The following TCTN3 variants were observed in gnomAD, a reference collection of about 807,000 sequenced individuals.
TCTN3 encodes the protein tectonic family member 3.
A neutral mutation model predicts 71.3 loss-of-function variants in TCTN3; 57 were observed. The ratio of observed to expected loss-of-function variants is 0.80; its 90% CI spans 0.65 to 1.00. The LOEUF is 1.00. Among genes scored for constraint, TCTN3 ranks in the 50% least tolerant of loss-of-function variants. The pLI, the probability that TCTN3 is intolerant of heterozygous loss-of-function variation, is 0.00. For synonymous variants in TCTN3, 258 were observed against 267.8 expected (o/e 0.96, Z 0.36); for missense variants, 696 against 719.9 (o/e 0.97, Z 0.38).
chr10:95,685,271 A>T (rs1186527884), intron 8 of TCTN3, among the ~76,000 whole-genome samples: 1 of 152,162 alleles, frequency 6.6e-6, no homozygotes, highest in African/African-American at 2.4e-5. Flanking sequence ...ATACTGGAGG[A>T]TGGTGGTGAT....
chr10:95,681,121 G>C (rs532472833), intron 12 of TCTN3, among the ~76,000 whole-genome samples: 1 of 151,162 alleles, frequency 6.6e-6, no homozygotes, highest in Non-Finnish European at 1.5e-5. Context: ...TGTTGCCCAG[G>C]CTGGAGTACA....
Position 95,692,829 on chromosome 10 carries a change from A to G in TCTN3, c.499+91T>C. The G allele has an allele frequency of 4.2e-6, 4 of 957,026 alleles. No homozygotes were observed. In the South Asian group the frequency reaches 5.4e-5, roughly 13 times the overall value. The allele number at this position is 957,026 out of a possible 1,614,324, so 59.3% of individuals were successfully genotyped here. ...CGTTAGTGTATTTTACGTGTGGCCCAAGACAATTCTTCTTCCAATGTGGGC... is the reference window on the plus strand; with the variant it reads ...CGTTAGTGTATTTTACGTGTGGCCCGAGACAATTCTTCTTCCAATGTGGGC... On this transcript the variant is annotated intron_variant, in intron 3 of 13. Coordinates refer to ENST00000371217, the MANE Select transcript of TCTN3 (RefSeq NM_015631.6).
intron 9 of TCTN3, 72 bp downstream of exon 9, chr10:95,684,427 C>A: frequency 6.4e-7 from 1 of 1,568,646 alleles, no homozygotes; most frequent in Non-Finnish European, 8.6e-7. Flanking sequence ...ACATGTATTA[C>A]AGAAGCAAAG....
intron 13 of TCTN3, among the ~76,000 whole-genome samples, chr10:95,673,558 T>C (rs894906532): frequency 2.0e-5 from 3 of 152,140 alleles, no homozygotes; most frequent in Admixed American, 2.0e-4. Context: ...GAAACTTTTT[T>C]TTTTTCAGGG....
chr10:95,688,441 C>T (rs2097950747), intron 3 of TCTN3, among the ~76,000 whole-genome samples: 2 of 148,550 alleles, frequency 1.3e-5, no homozygotes, highest in Non-Finnish European at 3.0e-5. Context: ...AAATAGGAAG[C>T]TCGATAATGC....
intron 12 of TCTN3, 130 bp downstream of exon 12, chr10:95,682,521 G>T: frequency 9.0e-7 from 1 of 1,116,424 alleles, no homozygotes; most frequent in Non-Finnish European, 1.2e-6. Flanking sequence ...AAGTGGGCAT[G>T]ATTTCTTATA....
chr10:95,666,273 T>A (rs955145507), intron 13 of TCTN3, among the ~76,000 whole-genome samples: 5 of 148,706 alleles, frequency 3.4e-5, no homozygotes, highest in Non-Finnish European at 5.9e-5. Context: ...GTGAGGCTCA[T>A]GAGGGACTTG....
chr10:95,677,473 A>ACT (rs57706369), intron 13 of TCTN3, among the ~76,000 whole-genome samples: 3 of 24,118 alleles, frequency 1.2e-4, no homozygotes, highest in South Asian at 9.7e-4. Flanking sequence ...TGAAGTCTAC[A>ACT]GTTTTTTTTG....
chr10:95,681,179 G>A (rs570188769), intron 12 of TCTN3, among the ~76,000 whole-genome samples: 6 of 151,918 alleles, frequency 3.9e-5, no homozygotes, highest in African/African-American at 9.7e-5. Flanking sequence ...GGACTCAAGC[G>A]ATTCTCCTGC....
Position 95,683,645 on chromosome 10 carries a change from A to G in TCTN3, c.1096-16T>C. On this transcript the variant is annotated splice_polypyrimidine_tract_variant and intron_variant, in intron 9 of 13. Coordinates refer to ENST00000371217, the MANE Select transcript of TCTN3 (RefSeq NM_015631.6). The stretch of plus-strand genomic sequence containing the variant: ...GTTGAAAAGCCTGCAGAAAGAGGGA[A>G]GAGAAGTCAATTATGGAGATAAGCA... 1 of 1,599,788 alleles carries G rather than the reference A, an allele frequency of 6.3e-7. No homozygotes were observed. Among genetic ancestry groups the G allele is most frequent in the Non-Finnish European group, 8.5e-7 (1 of 1,171,560 alleles).
intron 3 of TCTN3, among the ~76,000 whole-genome samples, chr10:95,690,259 A>G (rs1057146132): frequency 1.3e-5 from 2 of 152,204 alleles, no homozygotes; most frequent in Admixed American, 6.5e-5. Context: ...GCTGGATTAC[A>G]GGTATGAGCC....
intron 6 of TCTN3, 148 bp downstream of exon 6, chr10:95,686,896 A>G: frequency 1.5e-6 from 1 of 649,688 alleles, no homozygotes; most frequent in South Asian, 2.0e-5. Flanking sequence ...ATTTGTCTTC[A>G]GATGTGGTTT....
intron 7 of TCTN3, among the ~76,000 whole-genome samples, 180 bp from the exon 8 acceptor site, chr10:95,685,816 C>T (rs1253502698): frequency 3.9e-5 from 6 of 152,200 alleles, no homozygotes. Context: ...CTTCTCAAAA[C>T]TTATTTCTCA....
intron 12 of TCTN3, among the ~76,000 whole-genome samples, chr10:95,681,794 A>G: frequency 6.6e-6 from 1 of 152,242 alleles, no homozygotes; most frequent in Non-Finnish European, 1.5e-5. Context: ...AATATAAAAT[A>G]TTTGAAATAT....
chr10:95,674,315 T>G (rs927841439), intron 13 of TCTN3, among the ~76,000 whole-genome samples: 2 of 152,178 alleles, frequency 1.3e-5, no homozygotes, highest in Non-Finnish European at 2.9e-5. Flanking sequence ...ATAAATTCAT[T>G]TTTAAATAAC....
intron 13 of TCTN3, among the ~76,000 whole-genome samples, chr10:95,677,491 T>TTTTTTTG (rs2097938573): frequency 6.8e-6 from 1 of 146,090 alleles, no homozygotes. Flanking sequence ...TTGTTTTTTT[T>TTTTTTTG]TTTTTTTTTT....
rs1335840474 is a variant in TCTN3 at position 95,687,113 on chromosome 10, G to A, written c.783C>T (p.Asn261=). 2 of 1,614,128 alleles carry A rather than the reference G, an allele frequency of 1.2e-6. No homozygotes were observed. The highest frequency in any genetic ancestry group is 2.2e-5 in the East Asian group (1 of 44,890). The change falls in exon 6 of 14, where the codon AAC becomes AAT. Residue 261 remains asparagine, a synonymous_variant. Transcript: ENST00000371217. ...KSTTCTRFFK[N]LASSCTLDSA... ...AATCCAAGGTACAGCTACTAGCCAGGTTCTTGAAAAAACGAGTGCAAGTTG... is the reference window on the plus strand; with the variant it reads ...AATCCAAGGTACAGCTACTAGCCAGATTCTTGAAAAAACGAGTGCAAGTTG...
rs530464059 is a variant in TCTN3, at chr10:95,673,641, G to A, written c.1590+6831C>T. Among the ~76,000 whole-genome samples the A allele has an allele frequency of 7.2e-5, 11 of 152,102 alleles. No individual in the cohort carries two copies. The South Asian group carries it at 1.7e-3, about 23-fold the overall frequency. The stretch of plus-strand genomic sequence containing the variant: ...GAGGAACACTTGAGACCAGGAGTTT[G>A]AGACCATCCTGGGCAACATAGTGAG... On this transcript the variant is annotated intron_variant, in intron 13 of 13. Transcript: ENST00000371217.
chr10:95,672,530 A>G (rs928844532), intron 13 of TCTN3, among the ~76,000 whole-genome samples: 2 of 152,132 alleles, frequency 1.3e-5, no homozygotes, highest in Non-Finnish European at 2.9e-5. Context: ...TTCTTGGAAC[A>G]TGATTGTCAG....
Sources: allele counts gnomAD v4.1 joint callset (sites outside exome capture counted in the v4.1 genomes callset), GRCh38; gene constraint gnomAD v4.1.1; transcripts MANE v1.5; gene names NCBI Gene and HGNC (gene_info 2026-07-23, HGNC 2026-07-21).